Variants in FAM78B observed in about 807,000 individuals in gnomAD.
The protein encoded by FAM78B is family with sequence similarity 78 member B.
A neutral mutation model predicts 20.0 loss-of-function variants in FAM78B; 10 were observed. That is an observed-to-expected ratio of 0.50 (90% CI 0.31 to 0.85). The LOEUF is 0.85. FAM78B is among the 40% of genes least tolerant of loss of function. The pLI is 0.05. For missense variants in FAM78B, 283 were observed against 345.0 expected (o/e 0.82, Z 1.42); for synonymous variants, 135 against 132.8 (o/e 1.02, Z -0.12).
intron 1 of FAM78B, among the ~76,000 whole-genome samples, chr1:166,134,298 G>C (rs942747677): frequency 6.8e-6 from 1 of 146,078 alleles, no homozygotes; most frequent in Non-Finnish European, 1.5e-5. Flanking sequence ...GCTGCCAATG[G>C]GGCCTTGGAA....
At chr1:166,058,734 T>C (rs533109097) in exon 3 of FAM78B, 1 of 152,680 alleles carries the variant, frequency 6.5e-6, no homozygotes, top group East Asian at 1.9e-4. Flanking sequence ...GGTTTGTATG[T>C]AGACAGTGTG....
intron 1 of FAM78B, chr1:166,154,900 T>C (rs1655836962): frequency 2.2e-6 from 1 of 456,384 alleles, no homozygotes; most frequent in Non-Finnish European, 4.6e-6. Context: ...AAGTTAAAAA[T>C]GATTCTGTTG....
Position 166,109,854 on chromosome 1 carries a change from A to ATGTG in FAM78B, c.264-39092_264-39091insCACA, listed in dbSNP as rs58635805. Among the ~76,000 whole-genome samples the ATGTG allele has an allele frequency of 7.5e-3, 117 of 15,698 alleles. 14 individuals are homozygous for ATGTG. The highest frequency in any genetic ancestry group is 0.012 in the African/African-American group (94 of 8,076). The allele number at this position is 15,698 out of a possible 152,430, so 10.3% of individuals were successfully genotyped here. A position where few individuals can be genotyped will look rare whatever the true frequency, so the allele number is the denominator to read the frequency against. ...TATGTATATATGTATATATATATAT[A>ATGTG]TATATATGTATGTGTATATATATAT... On this transcript the variant is annotated intron_variant, in intron 1 of 1. Transcript: ENST00000354422.
chr1:166,119,947 CCAAGAGAGGCAGCTCTGTTTGGGGCT>C (rs1654406262), intron 1 of FAM78B, among the ~76,000 whole-genome samples: 1 of 152,144 alleles, frequency 6.6e-6, no homozygotes, highest in Non-Finnish European at 1.5e-5. Context: ...AGAAGATGCG[CCAAGAGAGGCAGCTCTGTTTGGGGCT>C]CAGCCTGTGG....
rs138738644 is a variant in FAM78B at position 166,102,787 on chromosome 1, T to C, written c.264-32024A>G. 4.2e-3 allele frequency among the ~76,000 whole-genome samples: 642 copies of C among 152,188 alleles called. 5 individuals are homozygous for C. The highest frequency in any genetic ancestry group is 0.014 in the African/African-American group (571 of 41,510). On this transcript the variant is annotated intron_variant, in intron 1 of 1. Transcript: ENST00000354422. Reference sequence around the variant, plus strand: ...GACATTAACATCCCACTGTCAACATTAGACAGATCAATGAGACAGAAAGTT... The same window carrying C: ...GACATTAACATCCCACTGTCAACATCAGACAGATCAATGAGACAGAAAGTT...
intron 1 of FAM78B, among the ~76,000 whole-genome samples, chr1:166,109,843 T>C (rs1403213951): frequency 0.014 from 388 of 28,720 alleles, 33 homozygotes; most frequent in Non-Finnish European, 0.019. Flanking sequence ...TATATATGTA[T>C]ATATATATAT....
chr1:166,085,209 CTG>C (rs1049490721), intron 1 of FAM78B, among the ~76,000 whole-genome samples: 24 of 152,190 alleles, frequency 1.6e-4, no homozygotes, highest in African/African-American at 5.5e-4. Flanking sequence ...GCAGTTTTAA[CTG>C]TTACTTGTAA....
chr1:166,163,550 T>G (rs1459441817), intron 1 of FAM78B, among the ~76,000 whole-genome samples: 3 of 152,242 alleles, frequency 2.0e-5, no homozygotes, highest in Non-Finnish European at 2.9e-5. Flanking sequence ...TTGTGGTTCA[T>G]GTGACAGAAC....
chr1:166,158,980 C>G (rs1157033646), intron 1 of FAM78B, among the ~76,000 whole-genome samples: 1 of 152,230 alleles, frequency 6.6e-6, no homozygotes, highest in African/African-American at 2.4e-5. Flanking sequence ...GTTAACACAA[C>G]AGAAGTTGTG....
At chr1:166,136,291 CAAG>C (rs1217573078) in intron 1 of FAM78B, among the ~76,000 whole-genome samples, 2 of 152,092 alleles carry the variant, frequency 1.3e-5, no homozygotes, top group Admixed American at 1.3e-4. Context: ...TGGCTTTTTC[CAAG>C]AAGTGCCAAG....
chr1:166,104,258 G>A (rs1307473651), intron 1 of FAM78B, among the ~76,000 whole-genome samples: 3 of 152,146 alleles, frequency 2.0e-5, no homozygotes, highest in East Asian at 3.9e-4. Context: ...TATTGAATGG[G>A]CAAAAACTAG....
intron 1 of FAM78B, among the ~76,000 whole-genome samples, chr1:166,119,833 T>C (rs1355363055): frequency 6.6e-6 from 1 of 152,146 alleles, no homozygotes; most frequent in African/African-American, 2.4e-5. Flanking sequence ...ACACTGAACA[T>C]GTGCATGGTT....
intron 1 of FAM78B, among the ~76,000 whole-genome samples, chr1:166,105,678 A>G (rs1307569410): frequency 2.6e-5 from 4 of 152,196 alleles, no homozygotes; most frequent in African/African-American, 9.7e-5. Flanking sequence ...ACCAGTTAGA[A>G]TGGTGATCAT....
At chr1:166,156,807 A>G (rs1655915088) in intron 1 of FAM78B, among the ~76,000 whole-genome samples, 2 of 152,042 alleles carry the variant, frequency 1.3e-5, no homozygotes, top group African/African-American at 4.8e-5. Context: ...CCCACCCTCA[A>G]GTCCTTGGCT....
intron 1 of FAM78B, among the ~76,000 whole-genome samples, chr1:166,157,323 G>A (rs1655946729): frequency 6.6e-6 from 1 of 151,682 alleles, no homozygotes; most frequent in Admixed American, 6.6e-5. Context: ...CACAAGTGTT[G>A]ATTCCTAATC....
chr1:166,091,277 G>A (rs769167218), intron 1 of FAM78B, among the ~76,000 whole-genome samples: 1 of 152,152 alleles, frequency 6.6e-6, no homozygotes, highest in Admixed American at 6.5e-5. Context: ...ATGGTGATAT[G>A]GTTTGGCTGT....
chr1:166,155,799 G>T (rs1237466307), intron 1 of FAM78B, among the ~76,000 whole-genome samples: 1 of 152,056 alleles, frequency 6.6e-6, no homozygotes, highest in Non-Finnish European at 1.5e-5. Context: ...TCGGGAGAGG[G>T]AATAGAAGGT....
At chr1:166,152,751 C>T (rs1237731270) in intron 1 of FAM78B, among the ~76,000 whole-genome samples, 1 of 151,890 alleles carries the variant, frequency 6.6e-6, no homozygotes, top group Non-Finnish European at 1.5e-5. Flanking sequence ...GATCTCTGCT[C>T]ACTGCAACCT....
At chr1:166,069,226 CAT>C (rs1491553806), downstream of FAM78B, among the ~76,000 whole-genome samples, 19 of 151,350 alleles carry the variant, frequency 1.3e-4, no homozygotes, top group South Asian at 2.1e-4. Flanking sequence ...TGCATGTGTG[CAT>C]GTGTGTGTGT....
Sources: allele counts gnomAD v4.1 joint callset (sites outside exome capture counted in the v4.1 genomes callset), GRCh38; gene constraint gnomAD v4.1.1; transcripts MANE v1.5; gene names NCBI Gene and HGNC (gene_info 2026-07-23, HGNC 2026-07-21).